Variants in FAM124A observed in about 807,000 individuals in gnomAD.
FAM124A encodes the protein family with sequence similarity 124 member A.
Under a neutral mutation model 24.5 loss-of-function variants are expected in FAM124A, and 23 were observed. That is an observed-to-expected ratio of 0.94 (90% confidence interval 0.68 to 1.33). The LOEUF (loss-of-function observed/expected upper bound fraction) is 1.33. Ranked by LOEUF, FAM124A falls within the 40% of genes most tolerant of loss-of-function variation. The probability of loss-of-function intolerance (pLI) is 0.00; values close to 1 mark genes in which losing one functional copy is unlikely to be tolerated. For synonymous variants in FAM124A, 287 were observed against 314.7 expected, an observed-to-expected ratio of 0.91 and a Z score of 0.93; for missense variants, 623 against 722.8, an observed-to-expected ratio of 0.86 and a Z score of 1.58.
chr13:51,222,867 A>T (rs2137635842), intron 1 of FAM124A, among the ~76,000 whole-genome samples: 1 of 152,304 alleles, frequency 6.6e-6, no homozygotes, highest in East Asian at 1.9e-4. Flanking sequence ...GAGACAGGAG[A>T]TGCTCTTGCA....
At chr13:51,241,752 A>C (rs1001618281) in intron 2 of FAM124A, among the ~76,000 whole-genome samples, 67 of 152,284 alleles carry the variant, frequency 4.4e-4, no homozygotes, top group Non-Finnish European at 5.6e-4. Context: ...AAAAAAAAAA[A>C]AATGAGTCCC....
Position 51,251,719 on chromosome 13 carries a change from C to CA in FAM124A, c.353dup (p.Leu119AlafsTer67). 1 of 1,586,362 alleles carries CA rather than the reference C, an allele frequency of 6.3e-7. No homozygotes were observed. Among genetic ancestry groups the CA allele is most frequent in the Non-Finnish European group, 8.6e-7 (1 of 1,168,024 alleles). On this transcript the variant is annotated frameshift_variant, in exon 3 of 4. Transcript: ENST00000322475. LOFTEE classifies it high-confidence loss of function. The surrounding 1 kb of genome is among the most constrained non-coding windows in gnomAD (Gnocchi z 5.3). ...GGAGTACGGCGAAGAGCAGATCCTG[C>CA]AGCTGCACCGCACACTGCAGCAGCC...
intron 3 of FAM124A, among the ~76,000 whole-genome samples, chr13:51,276,950 G>C (rs1250932017): frequency 6.6e-6 from 1 of 152,126 alleles, no homozygotes; most frequent in African/African-American, 2.4e-5. Context: ...ACTCTGCCAG[G>C]GCTCCTGGGG....
chr13:51,260,602 C>T (rs765452512), intron 3 of FAM124A, among the ~76,000 whole-genome samples: 59 of 152,210 alleles, frequency 3.9e-4, no homozygotes, highest in Admixed American at 1.1e-3. Flanking sequence ...TTCTTATCTC[C>T]ATTTTGCAGA....
intron 1 of FAM124A, among the ~76,000 whole-genome samples, chr13:51,227,842 C>T (rs1954331287): frequency 6.6e-6 from 1 of 152,126 alleles, no homozygotes; most frequent in African/African-American, 2.4e-5. Flanking sequence ...CTTTGGAGGA[C>T]CTCCAATTGA....
chr13:51,284,152 C>A lies in FAM124A; in HGVS notation c.*2896C>A. ...CATCCAGAAGGGCTTCCAATACTCT[C>A]TGGAGGATCCTGACTCGTTTGGAGT... On this transcript the variant is annotated 3_prime_UTR_variant, in exon 4 of 4. Transcript: ENST00000322475. The A allele has an allele frequency of 6.6e-6, 1 of 152,366 alleles. No homozygotes were observed. The allele number at this position is 152,366 out of a possible 1,614,324, so 9.4% of individuals were successfully genotyped here.
At chr13:51,263,218 G>A (rs9596487) in intron 3 of FAM124A, among the ~76,000 whole-genome samples, 3 of 152,332 alleles carry the variant, frequency 2.0e-5, no homozygotes, top group East Asian at 1.9e-4. Context: ...AAAAGCCCAC[G>A]CTGGCCTGCC....
intron 3 of FAM124A, among the ~76,000 whole-genome samples, chr13:51,271,406 A>C (rs1257899922): frequency 6.6e-6 from 1 of 152,192 alleles, no homozygotes; most frequent in African/African-American, 2.4e-5. Flanking sequence ...ATGTAAAGTC[A>C]TTCAGAATAA....
intron 2 of FAM124A, among the ~76,000 whole-genome samples, chr13:51,244,635 G>T (rs543247448): frequency 6.6e-6 from 1 of 152,300 alleles, no homozygotes; most frequent in African/African-American, 2.4e-5. Flanking sequence ...ACACCAGTTG[G>T]CCAGTTCTGG....
At chr13:51,237,703 T>G (rs1954449808) in intron 2 of FAM124A, among the ~76,000 whole-genome samples, 1 of 152,252 alleles carries the variant, frequency 6.6e-6, no homozygotes, top group South Asian at 2.1e-4. Flanking sequence ...CCAGTCTGTC[T>G]TCTTCTGTGG....
At chr13:51,233,782 C>T (rs755180981) in intron 2 of FAM124A, among the ~76,000 whole-genome samples, 1 of 151,964 alleles carries the variant, frequency 6.6e-6, no homozygotes, top group Non-Finnish European at 1.5e-5. Flanking sequence ...TTTGACAATG[C>T]TACAATAAGA....
intron 2 of FAM124A, among the ~76,000 whole-genome samples, chr13:51,247,004 G>A (rs1296667207): frequency 6.6e-6 from 1 of 152,230 alleles, no homozygotes; most frequent in African/African-American, 2.4e-5. Flanking sequence ...TGCCCTCGAG[G>A]GCACTGCTGA....
At chr13:51,259,195 C>T (rs185077437) in intron 3 of FAM124A, among the ~76,000 whole-genome samples, 3 of 152,172 alleles carry the variant, frequency 2.0e-5, no homozygotes, top group South Asian at 2.1e-4. Context: ...CTGCCACCTC[C>T]GTCTCTAAAT....
chr13:51,222,717 G>T lies in FAM124A; in HGVS notation c.68+148G>T, dbSNP rs970993739. 1.7e-5 allele frequency: 14 copies of T among 835,762 alleles called. No homozygotes were observed. The African/African-American group carries it at 2.0e-4, about 12-fold the overall frequency. 51.8% of individuals were successfully genotyped at this position (835,762 alleles called of 1,614,324 possible). A position where few individuals can be genotyped will look rare whatever the true frequency, so the allele number is the denominator to read the frequency against. ...CCGGATCCCCCGCTCTCTCCTGGGC[G>T]GGCCGCGCTGCCCTGGGCAGGGCGG... On this transcript the variant is annotated intron_variant, in intron 1 of 3. Transcript: ENST00000322475.
intron 1 of FAM124A, among the ~76,000 whole-genome samples, chr13:51,230,226 A>G (rs1954360389): frequency 1.3e-5 from 2 of 152,262 alleles, no homozygotes; most frequent in South Asian, 4.1e-4. Context: ...GTTTTCTTCC[A>G]TTTTGTTCCT....
rs1954960045 is a variant in FAM124A, at chr13:51,283,599, G to A, written c.*2343G>A. 1 of 151,898 alleles carries A rather than the reference G, an allele frequency of 6.6e-6. No homozygotes were observed. Among genetic ancestry groups the A allele is most frequent in the Admixed American group, 6.6e-5 (1 of 15,246 alleles). The allele number at this position is 151,898 out of a possible 1,614,324, so 9.4% of individuals were successfully genotyped here. A position where few individuals can be genotyped will look rare whatever the true frequency, so the allele number is the denominator to read the frequency against. ...CTTCTTTCTGCAGAGCTGATTCCTG[G>A]AAAGCCACCAGCACTCCACCTTCTG... On this transcript the variant is annotated 3_prime_UTR_variant, in exon 4 of 4. Transcript: ENST00000322475.
chr13:51,245,237 G>A (rs1351023602), intron 2 of FAM124A: 3 of 506,114 alleles, frequency 5.9e-6, no homozygotes, highest in Non-Finnish European at 1.1e-5. Context: ...GCAAAAAACT[G>A]GTTAGGACTA....
In FAM124A at chr13:51,280,835, AG is replaced by A; in HGVS notation, c.1225del (p.Ala409ProfsTer63). On this transcript the variant is annotated frameshift_variant, in exon 4 of 4. Transcript: ENST00000322475. LOFTEE classifies it low-confidence loss of function (END_TRUNC). ...HGHLLSIDDLEGAQETDVDTG... is the reference protein window; with the variant it reads ...HGHLLSIDDLXGAQETDVDTG... ...CACCTCCTCTCCATCGATGACCTAG[AG>A]GGGGCCCAGGAGACAGACGTGGACA... 2 of 1,614,140 alleles carry A rather than the reference AG, an allele frequency of 1.2e-6. No individual in the cohort carries two copies. The highest frequency in any genetic ancestry group is 1.7e-6 in the Non-Finnish European group (2 of 1,180,026).
At chr13:51,233,465 T>C (rs1272521650) in intron 2 of FAM124A, among the ~76,000 whole-genome samples, 1 of 152,050 alleles carries the variant, frequency 6.6e-6, no homozygotes, top group Non-Finnish European at 1.5e-5. Context: ...TACAAGGGAG[T>C]CTGAAAAATG....
Sources: allele counts gnomAD v4.1 joint callset (sites outside exome capture counted in the v4.1 genomes callset), GRCh38; gene constraint gnomAD v4.1.1; non-coding constraint Gnocchi (gnomAD v3.1); transcripts MANE v1.5; gene names NCBI Gene and HGNC (gene_info 2026-07-23, HGNC 2026-07-21).